The following SH3BP2 variants were observed in gnomAD, a reference collection of about 807,000 sequenced individuals.
SH3BP2 encodes the protein SH3 domain binding protein 2, also known as SH3 domain-binding protein 2.
Under a neutral mutation model 56.2 loss-of-function variants are expected in SH3BP2, and 38 were observed. The ratio of observed to expected loss-of-function variants is 0.68; its 90% confidence interval spans 0.52 to 0.89. SH3BP2 has a LOEUF of 0.89. Ranked by LOEUF, SH3BP2 falls within the 40% of genes least tolerant of loss-of-function variation. The pLI is 0.00. For synonymous variants in SH3BP2, 346 were observed against 316.7 expected, an observed-to-expected ratio of 1.09 and a Z score of -0.98; for missense variants, 748 against 762.6, an observed-to-expected ratio of 0.98 and a Z score of 0.23.
At chr4:2,794,896 C>T (rs886544841) in intron 1 of SH3BP2, among the ~76,000 whole-genome samples, 10 of 152,192 alleles carry the variant, frequency 6.6e-5, no homozygotes, top group Admixed American at 4.6e-4. Context: ...CCCAGAGAGA[C>T]GAGATGGCCA....
intron 1 of SH3BP2, among the ~76,000 whole-genome samples, chr4:2,820,365 C>T (rs568950287): frequency 5.3e-5 from 8 of 152,302 alleles, no homozygotes; most frequent in Middle Eastern, 6.8e-3. Context: ...CTGCACGTAG[C>T]GCTCAGGATC....
At chr4:2,811,169 G>A (rs1046252138) in intron 1 of SH3BP2, among the ~76,000 whole-genome samples, 2 of 152,344 alleles carry the variant, frequency 1.3e-5, no homozygotes, top group Non-Finnish European at 2.9e-5. Flanking sequence ...CTGGGGAGAC[G>A]GAGCTCCTTA....
intron 1 of SH3BP2, among the ~76,000 whole-genome samples, chr4:2,813,993 G>A (rs1723880040): frequency 6.6e-6 from 1 of 152,222 alleles, no homozygotes; most frequent in Admixed American, 6.5e-5. Flanking sequence ...CACAAATGGG[G>A]CCAACCTGAT....
At chr4:2,813,672 G>T (rs938759013) in intron 1 of SH3BP2, among the ~76,000 whole-genome samples, 7 of 152,206 alleles carry the variant, frequency 4.6e-5, no homozygotes, top group African/African-American at 1.4e-4. Flanking sequence ...TGGAGGCTGT[G>T]TGTGTGTGAA....
In SH3BP2 at chr4:2,824,735, C is replaced by G. The variant is rs1553805632; in HGVS notation, c.357+5C>G. 6.2e-7 allele frequency: 1 copy of G among 1,601,756 alleles called. No individual in the cohort carries two copies. The highest frequency in any genetic ancestry group is 8.6e-7 in the Non-Finnish European group (1 of 1,169,260). On this transcript the variant is annotated splice_donor_5th_base_variant and intron_variant, in intron 4 of 12. Transcript: ENST00000503393. ...TCCTCCGAGGAGGAGCGCAAGGTGACTGGGGGTCCGAGGACGAGTGCAAGG... is the reference window on the plus strand; with the variant it reads ...TCCTCCGAGGAGGAGCGCAAGGTGAGTGGGGGTCCGAGGACGAGTGCAAGG...
chr4:2,820,467 G>A (rs1375320177), intron 1 of SH3BP2, 147 bp from the exon 2 acceptor site: 1 of 984,000 alleles, frequency 1.0e-6, no homozygotes, highest in Non-Finnish European at 1.6e-6. Context: ...GGAAGCCCAA[G>A]GCCCTCAGAA....
intron 1 of SH3BP2, among the ~76,000 whole-genome samples, chr4:2,796,845 C>T (rs1342187862): frequency 2.0e-5 from 3 of 152,188 alleles, no homozygotes; most frequent in African/African-American, 4.8e-5. Flanking sequence ...CCATGGCACA[C>T]GGGGCTGAGG....
At position 2,825,199 on chromosome 4, in the gene SH3BP2, G is replaced by T; in HGVS notation, c.428+3G>T. On this transcript the variant is annotated splice_donor_region_variant and intron_variant, in intron 5 of 12. Transcript: ENST00000503393. ...AAAGACCTGCCCTTGGACACCAGGT[G>T]AGCCCGGGCCCAGGGCATACCGGGC... 6.3e-7 allele frequency: 1 copy of T among 1,575,102 alleles called. No homozygotes were observed. The highest frequency in any genetic ancestry group is 8.6e-7 in the Non-Finnish European group (1 of 1,160,026).
Position 2,812,385 on chromosome 4 carries a change from G to T in SH3BP2, c.-4-8229G>T. 3.9e-6 allele frequency: 6 copies of T among 1,550,388 alleles called. No individual in the cohort carries two copies. In the South Asian group the frequency reaches 7.1e-5, roughly 18 times the overall value. On this transcript the variant is annotated intron_variant, in intron 1 of 12. Coordinates refer to ENST00000503393, the MANE Select transcript of SH3BP2 (RefSeq NM_001122681.2). ...GAGATGTAGGCTGCCTGGGCTGGTG[G>T]CCCCTGAGCCGCATGGCCTCCCTGG...
chr4:2,796,650 G>T (rs771405673), intron 1 of SH3BP2: 60 of 158,900 alleles, frequency 3.8e-4, no homozygotes, highest in Non-Finnish European at 6.2e-4. Context: ...TAGCTGAGCT[G>T]ATTCCAAGAA....
chr4:2,838,006 G>T lies in SH3BP2; in HGVS notation c.*4172G>T, dbSNP rs183756894. 2.6e-5 allele frequency: 4 copies of T among 152,416 alleles called. No individual in the cohort carries two copies. The highest frequency in any genetic ancestry group is 9.6e-5 in the African/African-American group (4 of 41,558). The allele number at this position is 152,416 out of a possible 1,614,324, so 9.4% of individuals were successfully genotyped here. ...TGTCTACCCTCCTTCGGACCCCTAG[G>T]AAGCTTCGCAGGCCTTCCAGGCTGC... On this transcript the variant is annotated 3_prime_UTR_variant, in exon 13 of 13. Transcript: ENST00000503393.
At chr4:2,805,492 G>T (rs1389195464) in intron 1 of SH3BP2, among the ~76,000 whole-genome samples, 5 of 152,214 alleles carry the variant, frequency 3.3e-5, no homozygotes, top group African/African-American at 9.6e-5. Flanking sequence ...AGGGGTTCCA[G>T]CCAGCTGGGG....
intron 7 of SH3BP2, among the ~76,000 whole-genome samples, chr4:2,828,114 A>C (rs1197060829): frequency 6.6e-6 from 1 of 151,574 alleles, no homozygotes; most frequent in Non-Finnish European, 1.5e-5. Flanking sequence ...AGTCAAAGAG[A>C]CAGGCTGATA....
Position 2,840,651 on chromosome 4 carries a change from T to C in SH3BP2, c.*6817T>C, listed in dbSNP as rs1725391727. 6.6e-6 allele frequency: 1 copy of C among 152,238 alleles called. No individual in the cohort carries two copies. Among genetic ancestry groups the C allele is most frequent in the Admixed American group, 6.5e-5 (1 of 15,286 alleles). The allele number at this position is 152,238 out of a possible 1,614,324, so 9.4% of individuals were successfully genotyped here. ...TCTTTTCCACCTTATTTTTCTTCTTTGAGAGTGTCTTGACTATTCTGGCTC... is the reference window on the plus strand; with the variant it reads ...TCTTTTCCACCTTATTTTTCTTCTTCGAGAGTGTCTTGACTATTCTGGCTC... On this transcript the variant is annotated 3_prime_UTR_variant, in exon 13 of 13. Coordinates refer to ENST00000503393, the MANE Select transcript of SH3BP2 (RefSeq NM_001122681.2).
chr4:2,803,509 G>A (rs1723399119), intron 1 of SH3BP2, among the ~76,000 whole-genome samples: 1 of 152,214 alleles, frequency 6.6e-6, no homozygotes, highest in Non-Finnish European at 1.5e-5. Flanking sequence ...GGAGGACGGA[G>A]CAAGGCTCAG....
In SH3BP2 at chr4:2,831,258, C is replaced by A. The variant is rs1724969337; in HGVS notation, c.1242-313C>A. Among the ~76,000 whole-genome samples, 2 of 152,326 alleles carry A rather than the reference C, an allele frequency of 1.3e-5. No individual in the cohort carries two copies. The highest frequency in any genetic ancestry group is 4.1e-4 in the South Asian group (2 of 4,830). ...GGCTGTGATTTGGCCATGACCGGAC[C>A]TCCCCTCCCCACGAGCATCCAGAGC... On this transcript the variant is annotated intron_variant, in intron 8 of 12. Coordinates refer to ENST00000503393, the MANE Select transcript of SH3BP2 (RefSeq NM_001122681.2). The surrounding 1 kb of genome is among the most constrained non-coding windows in gnomAD (Gnocchi z 4.1).
chr4:2,796,275 G>A (rs1028623116), intron 1 of SH3BP2: 3 of 285,602 alleles, frequency 1.1e-5, no homozygotes, highest in African/African-American at 2.3e-5. Context: ...GCCCAGGTTC[G>A]GGGCGGGTGG....
At chr4:2,806,722 G>A (rs73794807) in intron 1 of SH3BP2, among the ~76,000 whole-genome samples, 2,988 of 152,322 alleles carry the variant, frequency 0.02, 97 homozygotes, top group African/African-American at 0.053. Flanking sequence ...GCTCCGCCTA[G>A]GGCAACCCTC....
rs745563984 is a variant in SH3BP2, at chr4:2,830,098, C to A, written c.1192C>A (p.Arg398=). 3.1e-6 allele frequency: 5 copies of A among 1,606,898 alleles called. 1 individual carries two copies. The highest frequency in any genetic ancestry group is 4.2e-6 in the Non-Finnish European group (5 of 1,179,066). Residue 398 remains arginine (R), a synonymous_variant, in exon 8 of 13, where the codon CGG becomes AGG. Coordinates refer to ENST00000503393, the MANE Select transcript of SH3BP2 (RefSeq NM_001122681.2). The part of the protein sequence containing the change: ...LKLPVPEAMA[R]PAVLPRPEKP... ...GCTGCCAGTGCCTGAGGCCATGGCG[C>A]GGCCCGCAGTCCTGCCCAGGCCAGA...
Sources: gnomAD v4.1 joint callset for allele counts (sites outside exome capture counted in the v4.1 genomes callset) on GRCh38, gnomAD v4.1.1 for gene constraint, Gnocchi (gnomAD v3.1) non-coding constraint, MANE v1.5 for transcripts, NCBI Gene and HGNC (gene_info 2026-07-23, HGNC 2026-07-21) for gene names.